CASTOR2: variants seen among roughly 807,000 people sequenced by gnomAD.
CASTOR2 encodes the protein cytosolic arginine sensor for mTORC1 subunit 2.
A neutral mutation model predicts 31.2 loss-of-function variants in CASTOR2; 8 were observed. That is an observed-to-expected ratio of 0.26 (90% CI 0.15 to 0.46). CASTOR2 has a LOEUF of 0.46. Ranked by LOEUF, CASTOR2 falls within the 20% of genes least tolerant of loss-of-function variation. The pLI is 0.99. For missense variants in CASTOR2, 216 were observed against 382.1 expected, an observed-to-expected ratio of 0.57 and a Z score of 3.62; for synonymous variants, 162 against 158.7, an observed-to-expected ratio of 1.02 and a Z score of -0.16.
At chr7:75,004,937 C>T (rs1804573699) in intron 1 of CASTOR2, among the ~76,000 whole-genome samples, 1 of 152,008 alleles carries the variant, frequency 6.6e-6, no homozygotes, top group Non-Finnish European at 1.5e-5. Flanking sequence ...GTGATCTTGG[C>T]TCATTGCAAC....
intron 1 of CASTOR2, among the ~76,000 whole-genome samples, chr7:74,998,258 C>T (rs1554438102): frequency 6.6e-6 from 1 of 152,198 alleles, no homozygotes; most frequent in East Asian, 1.9e-4. Context: ...AAGCCCTGTG[C>T]TGGGCATGGC....
chr7:75,012,471 T>A (rs1468938901), intron 2 of CASTOR2, among the ~76,000 whole-genome samples: 6 of 147,678 alleles, frequency 4.1e-5, no homozygotes, highest in African/African-American at 1.5e-4. Context: ...CCCGGCTAAT[T>A]TTTTTTTGTA....
chr7:75,021,512 G>A (rs1805000238), intron 6 of CASTOR2, among the ~76,000 whole-genome samples: 1 of 152,182 alleles, frequency 6.6e-6, no homozygotes, highest in Admixed American at 6.5e-5. Context: ...GGTTGTCCGA[G>A]GTCCACTGTG....
chr7:75,018,052 G>C lies in CASTOR2; in HGVS notation c.441G>C (p.Arg147=). Residue 147 remains arginine, a synonymous_variant, in exon 4 of 9, where the codon CGG becomes CGC. Transcript: ENST00000616305. ...HTLSSEFTIL[R]VVNGETVAAE... ...TGTCATCAGAGTTCACCATCCTGCG[G>C]GTCGTCAATGGCGAGACCGTGGCAG... 2 of 1,614,202 alleles carry C rather than the reference G, an allele frequency of 1.2e-6. No homozygotes were observed. The highest frequency in any genetic ancestry group is 2.2e-5 in the East Asian group (1 of 44,888).
intron 1 of CASTOR2, among the ~76,000 whole-genome samples, chr7:74,996,927 G>A (rs1804366609): frequency 6.6e-6 from 1 of 150,774 alleles, no homozygotes; most frequent in Admixed American, 6.6e-5. Flanking sequence ...TAGAGACGGG[G>A]TTTCACCATG....
In CASTOR2 at chr7:75,027,917, G is replaced by T; in HGVS notation, c.*3218G>T. The stretch of plus-strand genomic sequence containing the variant: ...CAGCTATCTCCTGGTCTGCTGGGTG[G>T]GAGGGTCTCTCCAGGCCCCAGACCC... On this transcript the variant is annotated 3_prime_UTR_variant, in exon 9 of 9. Transcript: ENST00000616305. The T allele has an allele frequency of 8.6e-7, 1 of 1,165,816 alleles. No individual in the cohort carries two copies. The highest frequency in any genetic ancestry group is 1.2e-6 in the Non-Finnish European group (1 of 811,590). 72.2% of individuals were successfully genotyped at this position (1,165,816 alleles called of 1,614,324 possible).
At position 75,018,047 on chromosome 7, in the gene CASTOR2, C is replaced by T. The variant is rs1804907193; in HGVS notation, c.436C>T (p.Leu146=). The change falls in exon 4 of 9, where the codon CTG becomes TTG. Residue 146 remains leucine, a synonymous_variant. Coordinates refer to ENST00000616305, the MANE Select transcript of CASTOR2 (RefSeq NM_001145064.3). ...THTLSSEFTI[L]RVVNGETVAA... Reference sequence around the variant, plus strand: ...CACATTGTCATCAGAGTTCACCATCCTGCGGGTCGTCAATGGCGAGACCGT... The same window carrying T: ...CACATTGTCATCAGAGTTCACCATCTTGCGGGTCGTCAATGGCGAGACCGT... 6.2e-7 allele frequency: 1 copy of T among 1,614,238 alleles called. No homozygotes were observed. The highest frequency in any genetic ancestry group is 8.5e-7 in the Non-Finnish European group (1 of 1,180,040).
At chr7:74,976,982 C>G (rs1274909939) in intron 1 of CASTOR2, among the ~76,000 whole-genome samples, 16 of 149,750 alleles carry the variant, frequency 1.1e-4, no homozygotes. Context: ...GTCAGTAGTT[C>G]GAGACCAGCC....
At position 75,030,002 on chromosome 7, in the gene CASTOR2, T is replaced by C. The variant is rs941024269; in HGVS notation, c.*5303T>C. Among the ~76,000 whole-genome samples the C allele has an allele frequency of 1.3e-5, 2 of 151,636 alleles. No homozygotes were observed. Among genetic ancestry groups the C allele is most frequent in the African/African-American group, 4.8e-5 (2 of 41,310 alleles). On this transcript the variant is annotated 3_prime_UTR_variant, in exon 9 of 9. Transcript: ENST00000616305. Reference sequence around the variant, plus strand: ...GCAAGACCCTGCCTCTACAAGAAAATAACGAAAGAGGCCCCAGGGAAGGAA... The same window carrying C: ...GCAAGACCCTGCCTCTACAAGAAAACAACGAAAGAGGCCCCAGGGAAGGAA...
chr7:75,022,863 A>C (rs1805037282), intron 7 of CASTOR2, among the ~76,000 whole-genome samples: 1 of 152,198 alleles, frequency 6.6e-6, no homozygotes, highest in Non-Finnish European at 1.5e-5. Context: ...ATTAAAGAGA[A>C]AAAAAATCAC....
chr7:75,001,498 A>G (rs1463387421), intron 1 of CASTOR2, among the ~76,000 whole-genome samples: 4 of 152,210 alleles, frequency 2.6e-5, no homozygotes, highest in Admixed American at 2.6e-4. Context: ...GGGGCCCGGC[A>G]TCTGGGGTGT....
rs868918418 is a variant in CASTOR2, at chr7:74,998,661, A to G, written c.114-9333A>G. ...GATTAATCTCAGTACTATGATGGAT[A>G]TCACCATGGCTAGGGAGGTGATAGG... On this transcript the variant is annotated intron_variant, in intron 1 of 8. Transcript: ENST00000616305. Among the ~76,000 whole-genome samples the G allele has an allele frequency of 6.1e-4, 92 of 151,158 alleles. 1 individual carries two copies. In the Middle Eastern group the frequency reaches 0.014, roughly 23 times the overall value.
At chr7:74,978,171 T>A (rs1293562903) in intron 1 of CASTOR2, among the ~76,000 whole-genome samples, 2 of 149,658 alleles carry the variant, frequency 1.3e-5, no homozygotes, top group Non-Finnish European at 3.0e-5. Flanking sequence ...TGGTGCGATC[T>A]TGGCTCATTG....
In CASTOR2 at chr7:75,001,850, G is replaced by C. The variant is rs1279457972; in HGVS notation, c.114-6144G>C. On this transcript the variant is annotated intron_variant, in intron 1 of 8. Transcript: ENST00000616305. The stretch of plus-strand genomic sequence containing the variant: ...TGGGAAGCACTCGGCACTGTCATGC[G>C]CAGTTGGATGGGTTGTGCACTGCAC... Among the ~76,000 whole-genome samples, 393 of 152,246 alleles carry C rather than the reference G, an allele frequency of 2.6e-3. 3 individuals are homozygous for C. The highest frequency in any genetic ancestry group is 9.1e-3 in the African/African-American group (379 of 41,532).
At position 75,026,457 on chromosome 7, in the gene CASTOR2, C is replaced by T. The variant is rs983337086; in HGVS notation, c.*1758C>T. On this transcript the variant is annotated 3_prime_UTR_variant, in exon 9 of 9. Coordinates refer to ENST00000616305, the MANE Select transcript of CASTOR2 (RefSeq NM_001145064.3). ...CGCCTGCCTCGGCCTCCCAAAATGCCGGGATTACAGGCGTGAGCCACCACA... is the reference window on the plus strand; with the variant it reads ...CGCCTGCCTCGGCCTCCCAAAATGCTGGGATTACAGGCGTGAGCCACCACA... Among the ~76,000 whole-genome samples the T allele has an allele frequency of 8.2e-4, 125 of 152,114 alleles. 1 individual carries two copies. Among genetic ancestry groups the T allele is most frequent in the Non-Finnish European group, 8.2e-4 (56 of 68,000 alleles).
Position 75,024,876 on chromosome 7 carries a change from T to A in CASTOR2, c.*177T>A. On this transcript the variant is annotated 3_prime_UTR_variant, in exon 9 of 9. Transcript: ENST00000616305. ...CAGGGCAGGGGCCCACGCCAAGGCCTCTCCATGCCCTCCTGCCTTCCCGGA... is the reference window on the plus strand; with the variant it reads ...CAGGGCAGGGGCCCACGCCAAGGCCACTCCATGCCCTCCTGCCTTCCCGGA... 6.8e-7 allele frequency: 1 copy of A among 1,467,478 alleles called. No individual in the cohort carries two copies. 90.9% of individuals were successfully genotyped at this position (1,467,478 alleles called of 1,614,324 possible).
chr7:75,011,241 C>T (rs12533789), intron 2 of CASTOR2, among the ~76,000 whole-genome samples: 77,323 of 150,350 alleles, frequency 0.51, 22,544 homozygotes, highest in East Asian at 0.86. Context: ...CAAGCCTGGT[C>T]AACATGGTGA....
chr7:74,996,715 C>CTTTTTTTTTTTT (rs1179122101), intron 1 of CASTOR2, among the ~76,000 whole-genome samples: 2 of 40,766 alleles, frequency 4.9e-5, no homozygotes, highest in African/African-American at 9.9e-5. Context: ...ATGCCTGGTG[C>CTTTTTTTTTTTT]TTTTTTTTTT....
chr7:75,028,333 C>G lies in CASTOR2; in HGVS notation c.*3634C>G, dbSNP rs1004099747. 7.9e-4 allele frequency among the ~76,000 whole-genome samples: 120 copies of G among 152,176 alleles called. No individual in the cohort carries two copies. The highest frequency in any genetic ancestry group is 1.5e-3 in the Non-Finnish European group (103 of 68,002). On this transcript the variant is annotated 3_prime_UTR_variant, in exon 9 of 9. Coordinates refer to ENST00000616305, the MANE Select transcript of CASTOR2 (RefSeq NM_001145064.3). ...ACGGGGTTTCACCATGTTGGCCACG[C>G]TGGTCTTGAACTCCTGACCTCAAGT... is the stretch of plus-strand genomic sequence containing the variant.
Sources: gnomAD v4.1 joint callset for allele counts (sites outside exome capture counted in the v4.1 genomes callset) on GRCh38, gnomAD v4.1.1 for gene constraint, MANE v1.5 for transcripts, NCBI Gene and HGNC (gene_info 2026-07-23, HGNC 2026-07-21) for gene names.